The following GABRG3 variants were observed in gnomAD, a reference collection of about 807,000 sequenced individuals.
GABRG3 encodes gamma-aminobutyric acid receptor subunit gamma-3.
In GABRG3, 25 loss-of-function variants were observed where a neutral mutation model predicts 48.8. The observed-to-expected ratio is 0.51, with a 90% CI of 0.37 to 0.72. The LOEUF (loss-of-function observed/expected upper bound fraction) is 0.72. Among genes scored for constraint, GABRG3 ranks in the 30% least tolerant of loss-of-function variants. The probability of loss-of-function intolerance (pLI) is 0.00; values close to 1 mark genes in which losing one functional copy is unlikely to be tolerated. For synonymous variants in GABRG3, 227 were observed against 217.6 expected, an observed-to-expected ratio of 1.04 and a Z score of -0.38; for missense variants, 394 against 577.9, an observed-to-expected ratio of 0.68 and a Z score of 3.26.
chr15:27,161,363 C>T (rs1887181092), intron 3 of GABRG3: 1 of 152,132 alleles, frequency 6.6e-6, no homozygotes, highest in Non-Finnish European at 1.5e-5. Context: ...TTCATGTTTG[C>T]CTCTGTTCTC....
At chr15:27,435,445 C>CA (rs1888582264) in intron 5 of GABRG3, among the ~76,000 whole-genome samples, 2 of 152,014 alleles carry the variant, frequency 1.3e-5, no homozygotes, top group South Asian at 2.1e-4. Context: ...ACTTTATTTA[C>CA]AAAAAATGAG....
intron 5 of GABRG3, among the ~76,000 whole-genome samples, chr15:27,407,220 T>C (rs1595734317): frequency 6.6e-6 from 1 of 152,140 alleles, no homozygotes; most frequent in South Asian, 2.1e-4. Context: ...GCCACCGCGC[T>C]CGGCTCTAAA....
intron 6 of GABRG3, among the ~76,000 whole-genome samples, chr15:27,496,288 T>C (rs1265070445): frequency 6.6e-6 from 1 of 152,206 alleles, no homozygotes; most frequent in Non-Finnish European, 1.5e-5. Context: ...GCTTCCTTAT[T>C]TGGCCTTGGC....
In GABRG3 at chr15:27,294,259, C is replaced by T. The variant is rs1891902678; in HGVS notation, c.271-32550C>T. Among the ~76,000 whole-genome samples the T allele has an allele frequency of 1.3e-5, 2 of 150,468 alleles. 1 individual carries two copies. Among genetic ancestry groups the T allele is most frequent in the Admixed American group, 1.3e-4 (2 of 15,094 alleles). On this transcript the variant is annotated intron_variant, in intron 3 of 9. Transcript: ENST00000615808. ...TTTTTTTTTGAGACAAGCTCTCACC[C>T]AGGCTGGAGTAAAGTGGCTCCATCA...
intron 3 of GABRG3, among the ~76,000 whole-genome samples, chr15:27,082,517 G>T (rs1897008237): frequency 6.6e-6 from 1 of 152,200 alleles, no homozygotes; most frequent in African/African-American, 2.4e-5. Flanking sequence ...ATCATGACAA[G>T]GGGTGCCCTG....
intron 3 of GABRG3, among the ~76,000 whole-genome samples, chr15:27,063,394 G>A (rs976853180): frequency 4.6e-5 from 7 of 152,232 alleles, no homozygotes; most frequent in Admixed American, 2.0e-4. Context: ...GGCCTGGTGG[G>A]AGGTATCTGG....
intron 5 of GABRG3, chr15:27,428,083 C>T (rs1270362975): frequency 6.6e-6 from 1 of 152,566 alleles, no homozygotes; most frequent in African/African-American, 2.4e-5. Context: ...GAGATGGAGT[C>T]TTGCTATGTT....
rs2140674393 is a variant in GABRG3, at chr15:27,019,093, G to T, written c.203-7661G>T. On this transcript the variant is annotated intron_variant, in intron 2 of 9. Transcript: ENST00000615808. ...TTTTTTTTTTTTTTTTTTTGAGATG[G>T]AGTCTTGCTCTGTCACCCCGGCTGG... is the stretch of plus-strand genomic sequence containing the variant. 1.9e-5 allele frequency among the ~76,000 whole-genome samples: 2 copies of T among 106,658 alleles called. 1 individual carries two copies. Among genetic ancestry groups the T allele is most frequent in the South Asian group, 7.1e-4 (2 of 2,816 alleles). The allele number at this position is 106,658 out of a possible 152,430, so 70.0% of individuals were successfully genotyped here. A position where few individuals can be genotyped will look rare whatever the true frequency, so the allele number is the denominator to read the frequency against.
intron 3 of GABRG3, among the ~76,000 whole-genome samples, chr15:27,035,933 G>A (rs1370135389): frequency 4.6e-5 from 7 of 152,226 alleles, no homozygotes; most frequent in Non-Finnish European, 1.0e-4. Flanking sequence ...AGAAGAGGCT[G>A]TGGATTTGAG....
At chr15:27,254,541 G>A (rs576815050) in intron 3 of GABRG3, among the ~76,000 whole-genome samples, 14 of 152,220 alleles carry the variant, frequency 9.2e-5, no homozygotes, top group African/African-American at 2.9e-4. Context: ...TGGAAGCAGG[G>A]AAGTGCAAGA....
intron 5 of GABRG3, chr15:27,365,298 G>GACACACACACACACAC: frequency 7.9e-6 from 1 of 126,784 alleles, no homozygotes; most frequent in African/African-American, 2.8e-5. Context: ...GACACACACA[G>GACACACACACACACAC]ACACAGACAC....
chr15:27,504,416 A>G (rs1016691993), intron 6 of GABRG3, among the ~76,000 whole-genome samples: 3 of 152,124 alleles, frequency 2.0e-5, no homozygotes, highest in African/African-American at 7.2e-5. Context: ...AGCTTATTGT[A>G]TACATCTTGA....
chr15:27,021,539 T>TA (rs1328660373), intron 2 of GABRG3, among the ~76,000 whole-genome samples: 6 of 152,194 alleles, frequency 3.9e-5, no homozygotes, highest in Non-Finnish European at 2.9e-5. Flanking sequence ...CCCAGACACT[T>TA]ACTCGAAATT....
intron 3 of GABRG3, among the ~76,000 whole-genome samples, chr15:27,223,588 A>G (rs539133415): frequency 3.3e-5 from 5 of 152,380 alleles, no homozygotes; most frequent in South Asian, 4.1e-4. Context: ...AAGATTCACA[A>G]TCTTACTACT....
chr15:27,118,147 T>C (rs1897674269), intron 3 of GABRG3, among the ~76,000 whole-genome samples: 1 of 152,218 alleles, frequency 6.6e-6, no homozygotes, highest in South Asian at 2.1e-4. Context: ...AATTCTTTAA[T>C]AATAACTTAT....
chr15:27,208,072 G>A (rs534461753), intron 3 of GABRG3: 2 of 169,422 alleles, frequency 1.2e-5, no homozygotes, highest in South Asian at 1.6e-4. Context: ...TCGAGCAAAG[G>A]TGGTAGGGGC....
At chr15:27,098,399 A>G (rs544717010) in intron 3 of GABRG3, among the ~76,000 whole-genome samples, 1 of 152,282 alleles carries the variant, frequency 6.6e-6, no homozygotes, top group East Asian at 1.9e-4. Context: ...GCACCACTGC[A>G]CTCCAGCCTG....
intron 3 of GABRG3, among the ~76,000 whole-genome samples, chr15:27,235,632 A>G (rs1480497729): frequency 6.6e-6 from 1 of 152,144 alleles, no homozygotes; most frequent in Non-Finnish European, 1.5e-5. Context: ...CTGTAACCAA[A>G]GACAGATTAA....
At chr15:27,398,065 A>G (rs1165351564) in intron 5 of GABRG3, among the ~76,000 whole-genome samples, 1 of 152,126 alleles carries the variant, frequency 6.6e-6, no homozygotes, top group African/African-American at 2.4e-5. Flanking sequence ...CGGCCTCCCC[A>G]AGTGCTGGGA....
Sources: allele counts gnomAD v4.1 joint callset (sites outside exome capture counted in the v4.1 genomes callset), GRCh38; gene constraint gnomAD v4.1.1; transcripts MANE v1.5; gene names NCBI Gene and HGNC (gene_info 2026-07-23, HGNC 2026-07-21).